Variants in ZBTB20 observed in about 807,000 individuals in gnomAD.
ZBTB20 encodes the protein zinc finger and BTB domain-containing protein 20.
ZBTB20 carries 9 observed loss-of-function variants against 56.9 expected under a neutral mutation model. The ratio of observed to expected loss-of-function variants is 0.16; its 90% CI spans 0.10 to 0.28. The LOEUF (loss-of-function observed/expected upper bound fraction) is 0.28. Among genes scored for constraint, ZBTB20 ranks in the 10% least tolerant of loss-of-function variants. ZBTB20 has a pLI of 1.00. For synonymous variants in ZBTB20, 417 were observed against 420.7 expected, an observed-to-expected ratio of 0.99 and a Z score of 0.11; for missense variants, 655 against 1,003.0, an observed-to-expected ratio of 0.65 and a Z score of 4.69.
intron 6 of ZBTB20, among the ~76,000 whole-genome samples, chr3:114,677,725 T>C (rs1299721909): frequency 2.6e-5 from 4 of 151,922 alleles, no homozygotes; most frequent in Non-Finnish European, 5.9e-5. Context: ...ATTTGAAAAA[T>C]ATATATATAT....
intron 5 of ZBTB20, among the ~76,000 whole-genome samples, chr3:114,722,963 G>A (rs1483391355): frequency 6.6e-6 from 1 of 152,090 alleles, no homozygotes; most frequent in Admixed American, 6.5e-5. Flanking sequence ...AGTTTCTTTC[G>A]TCTAAAGTCC....
At chr3:114,864,792 C>T (rs1234964536) in intron 4 of ZBTB20, among the ~76,000 whole-genome samples, 1 of 152,094 alleles carries the variant, frequency 6.6e-6, no homozygotes, top group Admixed American at 6.5e-5. Flanking sequence ...AGTGTTAAGA[C>T]TGAAATATAT....
intron 6 of ZBTB20, among the ~76,000 whole-genome samples, chr3:114,613,269 G>T (rs2057691316): frequency 2.6e-5 from 4 of 152,130 alleles, no homozygotes; most frequent in African/African-American, 9.7e-5. Context: ...TGATAACTGG[G>T]GATAGTGAAT....
intron 5 of ZBTB20, among the ~76,000 whole-genome samples, chr3:114,715,942 CTGGAA>C (rs2064449504): frequency 6.6e-6 from 1 of 152,180 alleles, no homozygotes; most frequent in Non-Finnish European, 1.5e-5. Context: ...CAAAGTTGGA[CTGGAA>C]CAGGTCAGAC....
chr3:114,725,940 G>T (rs970895453), intron 5 of ZBTB20, among the ~76,000 whole-genome samples: 3 of 152,180 alleles, frequency 2.0e-5, no homozygotes, highest in African/African-American at 7.2e-5. Context: ...CAAAAGTCAG[G>T]CACAGTAACT....
intron 1 of ZBTB20, among the ~76,000 whole-genome samples, chr3:115,129,026 G>A (rs1177975290): frequency 6.6e-6 from 1 of 152,000 alleles, no homozygotes; most frequent in Non-Finnish European, 1.5e-5. Flanking sequence ...GTGAACCCGG[G>A]AGGCAGAGCT....
Position 114,333,025 on chromosome 3 carries a change from C to T in ZBTB20, c.*5980G>A, listed in dbSNP as rs751752983. ...AGCCCTACTGTTCCATAACCATTCC[C>T]AGGGATCGGCTAAGGTACATTGCTG... On this transcript the variant is annotated 3_prime_UTR_variant, in exon 12 of 12. Coordinates refer to ENST00000675478, the MANE Select transcript of ZBTB20 (RefSeq NM_001348800.3). 1.3e-5 allele frequency: 2 copies of T among 152,150 alleles called. No individual in the cohort carries two copies. The highest frequency in any genetic ancestry group is 2.9e-5 in the Non-Finnish European group (2 of 68,018). 9.4% of individuals were successfully genotyped at this position (152,150 alleles called of 1,614,324 possible). A position where few individuals can be genotyped will look rare whatever the true frequency, so the allele number is the denominator to read the frequency against.
chr3:114,607,286 C>T (rs1431112144), intron 6 of ZBTB20, among the ~76,000 whole-genome samples: 1 of 144,610 alleles, frequency 6.9e-6, no homozygotes, highest in Non-Finnish European at 1.5e-5. Flanking sequence ...CTAGAAAAAG[C>T]ATAAAACTGT....
chr3:114,853,909 G>GT (rs1276878855), intron 4 of ZBTB20, among the ~76,000 whole-genome samples: 1 of 152,162 alleles, frequency 6.6e-6, no homozygotes, highest in Non-Finnish European at 1.5e-5. Flanking sequence ...TAATAGAAGA[G>GT]TAATAGGAAA....
At chr3:114,550,871 G>A (rs776616836) in intron 6 of ZBTB20, among the ~76,000 whole-genome samples, 6 of 151,446 alleles carry the variant, frequency 4.0e-5, no homozygotes, top group East Asian at 1.9e-4. Context: ...GTGCCTCAGC[G>A]TCCCGAGTAG....
At chr3:114,734,711 G>A (rs1389294070) in intron 5 of ZBTB20, among the ~76,000 whole-genome samples, 1 of 152,124 alleles carries the variant, frequency 6.6e-6, no homozygotes, top group East Asian at 1.9e-4. Context: ...AAATAAATGT[G>A]AGCTGTACAT....
chr3:115,021,535 A>G lies in ZBTB20; in HGVS notation c.-506-47119T>C, dbSNP rs144357867. ...AAGCTGTTCTTTTCAATGATGTCCTACATTGTAAAGGTTTTATTTAAAAAT... is the reference window on the plus strand; with the variant it reads ...AAGCTGTTCTTTTCAATGATGTCCTGCATTGTAAAGGTTTTATTTAAAAAT... On this transcript the variant is annotated intron_variant, in intron 2 of 11. Coordinates refer to ENST00000675478, the MANE Select transcript of ZBTB20 (RefSeq NM_001348800.3). Among the ~76,000 whole-genome samples the G allele has an allele frequency of 1.5e-3, 224 of 151,090 alleles. 1 individual carries two copies. In the East Asian group the frequency reaches 0.016, roughly 11 times the overall value.
chr3:114,602,651 T>C (rs11710241), intron 6 of ZBTB20, among the ~76,000 whole-genome samples: 16,202 of 151,980 alleles, frequency 0.11, 1,064 homozygotes, highest in African/African-American at 0.18. Context: ...ATCTCCAGCA[T>C]GTAGAAGAGA....
At chr3:114,777,073 T>A (rs1426037323) in intron 5 of ZBTB20, among the ~76,000 whole-genome samples, 2 of 152,310 alleles carry the variant, frequency 1.3e-5, no homozygotes, top group African/African-American at 4.8e-5. Flanking sequence ...TAAACTATAT[T>A]TGGCACATAT....
At chr3:114,929,857 A>T (rs151029111) in intron 3 of ZBTB20, among the ~76,000 whole-genome samples, 35 of 152,382 alleles carry the variant, frequency 2.3e-4, no homozygotes, top group African/African-American at 8.2e-4. Context: ...AAATGAAAAG[A>T]CAAATTCTTT....
chr3:114,431,686 A>C (rs1456879302), intron 7 of ZBTB20, among the ~76,000 whole-genome samples: 1 of 152,206 alleles, frequency 6.6e-6, no homozygotes, highest in Non-Finnish European at 1.5e-5. Flanking sequence ...CACATGACTC[A>C]TACCCCAATA....
At chr3:114,700,511 G>T (rs1365241380) in intron 5 of ZBTB20, among the ~76,000 whole-genome samples, 1 of 152,062 alleles carries the variant, frequency 6.6e-6, no homozygotes, top group East Asian at 1.9e-4. Flanking sequence ...ATCAAAGACA[G>T]AGAGCAAAGG....
chr3:114,366,847 C>T (rs2082453971), intron 10 of ZBTB20: 1 of 152,174 alleles, frequency 6.6e-6, no homozygotes, highest in Admixed American at 6.5e-5. Flanking sequence ...TTACACTTTT[C>T]CCAACTACTG....
intron 3 of ZBTB20, among the ~76,000 whole-genome samples, chr3:114,962,476 C>G (rs980984686): frequency 2.6e-5 from 4 of 152,138 alleles, no homozygotes; most frequent in Non-Finnish European, 4.4e-5. Flanking sequence ...AATTCTAAGG[C>G]TGGTAGATAA....
Sources: allele counts gnomAD v4.1 joint callset (sites outside exome capture counted in the v4.1 genomes callset), GRCh38; gene constraint gnomAD v4.1.1; transcripts MANE v1.5; gene names NCBI Gene and HGNC (gene_info 2026-07-23, HGNC 2026-07-21).